HDAC4: variants seen among roughly 807,000 people sequenced by gnomAD.
The protein encoded by HDAC4 is histone deacetylase A.
Under a neutral mutation model 135.1 loss-of-function variants are expected in HDAC4, and 16 were observed. The ratio of observed to expected loss-of-function variants is 0.12; its 90% CI spans 0.08 to 0.18. HDAC4 has a LOEUF of 0.18. Ranked by LOEUF, HDAC4 falls within the 10% of genes least tolerant of loss-of-function variation. HDAC4 has a pLI of 1.00. For synonymous variants in HDAC4, 685 were observed against 653.4 expected, an observed-to-expected ratio of 1.05 and a Z score of -0.74; for missense variants, 1,143 against 1,511.8, an observed-to-expected ratio of 0.76 and a Z score of 4.05.
rs1179705298 is a variant in HDAC4 at position 239,139,301 on chromosome 2, A to T, written c.978+383T>A. 1.3e-5 allele frequency among the ~76,000 whole-genome samples: 2 copies of T among 152,112 alleles called. No individual in the cohort carries two copies. Among genetic ancestry groups the T allele is most frequent in the Non-Finnish European group, 1.5e-5 (1 of 68,008 alleles). On this transcript the variant is annotated intron_variant, in intron 9 of 26. Transcript: ENST00000543185. This position sits in a 1 kb window ranked among gnomAD's most constrained non-coding sequence, Gnocchi z 5.3. ...CCCACGTGCCCACGGCCTCTCAGCCACCCTCAGAGCACTGGCGACCACAGC... is the reference window on the plus strand; with the variant it reads ...CCCACGTGCCCACGGCCTCTCAGCCTCCCTCAGAGCACTGGCGACCACAGC...
intron 2 of HDAC4, among the ~76,000 whole-genome samples, chr2:239,330,339 G>A (rs934127740): frequency 6.6e-6 from 1 of 152,268 alleles, no homozygotes; most frequent in Non-Finnish European, 1.5e-5. Flanking sequence ...GACCCCGCGA[G>A]GGAGTGGCAG....
At chr2:239,270,047 C>T (rs910154885) in intron 2 of HDAC4, among the ~76,000 whole-genome samples, 8 of 152,150 alleles carry the variant, frequency 5.3e-5, no homozygotes, top group East Asian at 1.9e-4. Context: ...GTCAACTGCA[C>T]GCAGGTGGCC....
intron 5 of HDAC4, among the ~76,000 whole-genome samples, chr2:239,175,536 C>CT (rs909941774): frequency 6.6e-6 from 1 of 152,190 alleles, no homozygotes; most frequent in African/African-American, 2.4e-5. Context: ...AGTGTGGGCT[C>CT]TCCTTAGAAG....
intron 2 of HDAC4, among the ~76,000 whole-genome samples, chr2:239,284,498 G>A (rs1370759096): frequency 6.6e-6 from 1 of 152,212 alleles, no homozygotes; most frequent in Non-Finnish European, 1.5e-5. Context: ...CTCGTAGTCA[G>A]GGGTGACCCT....
At chr2:239,394,126 A>T (rs1217188883) in intron 1 of HDAC4, among the ~76,000 whole-genome samples, 1 of 152,174 alleles carries the variant, frequency 6.6e-6, no homozygotes, top group Non-Finnish European at 1.5e-5. Flanking sequence ...CACCGCTTGA[A>T]CAATACTCCC....
intron 2 of HDAC4, among the ~76,000 whole-genome samples, chr2:239,334,890 T>G (rs1232295967): frequency 1.3e-5 from 2 of 151,952 alleles, no homozygotes; most frequent in Non-Finnish European, 2.9e-5. Flanking sequence ...CTGGGCATGG[T>G]GGCGTGCACC....
chr2:239,129,751 A>G (rs2040441356), intron 11 of HDAC4, among the ~76,000 whole-genome samples: 1 of 152,138 alleles, frequency 6.6e-6, no homozygotes, highest in Non-Finnish European at 1.5e-5. Flanking sequence ...ACTCTAACAC[A>G]CAATCACAAT....
chr2:239,144,560 G>A, intron 8 of HDAC4, 23 bp downstream of exon 8: 1 of 1,612,834 alleles, frequency 6.2e-7, no homozygotes, highest in Non-Finnish European at 8.5e-7. Context: ...AGCGGGGCGG[G>A]TGTACCTGCT....
chr2:239,192,058 G>A lies in HDAC4; in HGVS notation c.95-1981C>T, dbSNP rs73103317. ...AATGCATGTATTTAGTTTTTAATTG[G>A]GTGTCGACTTTGACACAGTAAAAGG... On this transcript the variant is annotated intron_variant, in intron 3 of 26. Coordinates refer to ENST00000543185, the MANE Select transcript of HDAC4 (RefSeq NM_001378414.1). Among the ~76,000 whole-genome samples, 706 of 152,300 alleles carry A rather than the reference G, an allele frequency of 4.6e-3. 2 individuals are homozygous for A. Among genetic ancestry groups the A allele is most frequent in the Middle Eastern group, 0.014 (4 of 294 alleles).
At chr2:239,082,242 A>T in intron 20 of HDAC4, 21 bp from the exon 21 acceptor site, 1 of 1,614,106 alleles carries the variant, frequency 6.2e-7, no homozygotes, top group Non-Finnish European at 8.5e-7. Context: ...AGGGACAACT[A>T]CTTCAGGGCT....
intron 3 of HDAC4, among the ~76,000 whole-genome samples, chr2:239,219,592 C>T (rs1437003369): frequency 1.3e-5 from 2 of 151,740 alleles, no homozygotes; most frequent in African/African-American, 4.8e-5. Context: ...ACATTGTGCA[C>T]ATGTACCCTA....
At chr2:239,121,589 T>G (rs185862273) in intron 12 of HDAC4, among the ~76,000 whole-genome samples, 1 of 152,350 alleles carries the variant, frequency 6.6e-6, no homozygotes, top group African/African-American at 2.4e-5. Flanking sequence ...CCAGGTCTTT[T>G]TCCTCCCTTT....
At chr2:239,310,049 T>G (rs2052796229) in intron 2 of HDAC4, among the ~76,000 whole-genome samples, 1 of 152,142 alleles carries the variant, frequency 6.6e-6, no homozygotes, top group Non-Finnish European at 1.5e-5. Flanking sequence ...GCCGTCCAGT[T>G]AGGGAACCCA....
chr2:239,117,622 T>G (rs2039261995), intron 12 of HDAC4, among the ~76,000 whole-genome samples: 1 of 146,550 alleles, frequency 6.8e-6, no homozygotes, highest in African/African-American at 2.5e-5. Flanking sequence ...GGAGTTAGAC[T>G]AGGAAGGGCG....
chr2:239,387,150 G>C (rs1441196801), intron 1 of HDAC4, among the ~76,000 whole-genome samples: 1 of 152,250 alleles, frequency 6.6e-6, no homozygotes, highest in Non-Finnish European at 1.5e-5. Context: ...TGAGGAGGAA[G>C]AACACTCACT....
At position 239,281,456 on chromosome 2, in the gene HDAC4, CTACACACCACTCTACAATG is replaced by C. The variant is rs1274666733; in HGVS notation, c.23-44811_23-44793del. On this transcript the variant is annotated intron_variant, in intron 2 of 26. Coordinates refer to ENST00000543185, the MANE Select transcript of HDAC4 (RefSeq NM_001378414.1). ...ACCACTCTACAATGAACACACCACT[CTACACACCACTCTACAATG>C]TACACACCACTCTACAATGTACACA... Among the ~76,000 whole-genome samples, 1,395 of 147,002 alleles carry C rather than the reference CTACACACCACTCTACAATG, an allele frequency of 9.5e-3. 47 individuals carry two copies. The highest frequency in any genetic ancestry group is 0.034 in the African/African-American group (1,299 of 38,478).
At chr2:239,388,444 C>T (rs1695974448) in intron 1 of HDAC4, among the ~76,000 whole-genome samples, 1 of 152,248 alleles carries the variant, frequency 6.6e-6, no homozygotes, top group Non-Finnish European at 1.5e-5. Flanking sequence ...TCGGCCTTCT[C>T]AGGCACCTGC....
chr2:239,141,569 A>T lies in HDAC4; in HGVS notation c.866-1773T>A, dbSNP rs1343277049. Among the ~76,000 whole-genome samples the T allele has an allele frequency of 6.6e-6, 1 of 152,118 alleles. No homozygotes were observed. Among genetic ancestry groups the T allele is most frequent in the East Asian group, 1.9e-4 (1 of 5,180 alleles). On this transcript the variant is annotated intron_variant, in intron 8 of 26. Coordinates refer to ENST00000543185, the MANE Select transcript of HDAC4 (RefSeq NM_001378414.1). This position sits in a 1 kb window ranked among gnomAD's most constrained non-coding sequence, Gnocchi z 4.9. ...TGAGCCAGTGTTTGCATTTCACTCA[A>T]GAAAGCAGGACCCGCCTTCTCCAGG... is the stretch of plus-strand genomic sequence containing the variant.
chr2:239,143,479 T>C (rs916922902), intron 8 of HDAC4, among the ~76,000 whole-genome samples: 12 of 152,186 alleles, frequency 7.9e-5, no homozygotes, highest in African/African-American at 2.9e-4. Flanking sequence ...TGTACTATAA[T>C]GGCCAGAGGA....
Sources: allele counts gnomAD v4.1 joint callset (sites outside exome capture counted in the v4.1 genomes callset), GRCh38; gene constraint gnomAD v4.1.1; non-coding constraint Gnocchi (gnomAD v3.1); transcripts MANE v1.5; gene names NCBI Gene and HGNC (gene_info 2026-07-23, HGNC 2026-07-21).